GAS6: variants seen among roughly 807,000 people sequenced by gnomAD.
GAS6 encodes the protein growth arrest specific 6.
Under a neutral mutation model 75.8 loss-of-function variants are expected in GAS6, and 41 were observed. The observed-to-expected ratio is 0.54, with a 90% confidence interval of 0.42 to 0.70. The LOEUF is 0.70. GAS6 is among the 30% of genes least tolerant of loss of function. GAS6 has a pLI of 0.00. For synonymous variants in GAS6, 432 were observed against 412.6 expected (o/e 1.05, Z -0.57); for missense variants, 854 against 940.2 (o/e 0.91, Z 1.20).
At chr13:113,856,485 G>A (rs148481094) in intron 2 of GAS6, among the ~76,000 whole-genome samples, 1 of 152,250 alleles carries the variant, frequency 6.6e-6, no homozygotes, top group East Asian at 1.9e-4. Flanking sequence ...GAGACCCCGA[G>A]AACAGCACTC....
chr13:113,843,874 A>G (rs1328985865), intron 4 of GAS6: 1 of 151,166 alleles, frequency 6.6e-6, no homozygotes, highest in Non-Finnish European at 1.5e-5. Context: ...CGTGAGCACC[A>G]AGTCAGAGAA....
chr13:113,826,694 G>A (rs867540141), intron 12 of GAS6, among the ~76,000 whole-genome samples: 18 of 120,378 alleles, frequency 1.5e-4, no homozygotes, highest in African/African-American at 4.6e-4. Flanking sequence ...GCCTCCTGGC[G>A]CCGGCCTCGC....
In GAS6 at chr13:113,859,504, A is replaced by G. The variant is rs185494045; in HGVS notation, c.255+4071T>C. ...CATGTATGTGTACATGTCTGTTAGTATGTGTGTGTGCCTGTTTATGTGTGT... is the reference window on the plus strand; with the variant it reads ...CATGTATGTGTACATGTCTGTTAGTGTGTGTGTGTGCCTGTTTATGTGTGT... On this transcript the variant is annotated intron_variant, in intron 2 of 14. Transcript: ENST00000327773. Among the ~76,000 whole-genome samples, 252 of 148,508 alleles carry G rather than the reference A, an allele frequency of 1.7e-3. 3 individuals are homozygous for G. In the East Asian group the frequency reaches 0.028, roughly 16 times the overall value.
rs1309313417 is a variant in GAS6, at chr13:113,826,630, C to A, written c.1477+366G>T. 2.0e-5 allele frequency among the ~76,000 whole-genome samples: 2 copies of A among 98,640 alleles called. 1 individual carries two copies. The highest frequency in any genetic ancestry group is 3.9e-5 in the Non-Finnish European group (2 of 51,456). The allele number at this position is 98,640 out of a possible 152,430, so 64.7% of individuals were successfully genotyped here. A position where few individuals can be genotyped will look rare whatever the true frequency, so the allele number is the denominator to read the frequency against. ...GGCCTCCCGGCGCCGGCCTCGCAGG[C>A]ACCTTCTCTCCCCGGCCTCCTGGCG... On this transcript the variant is annotated intron_variant, in intron 12 of 14. Transcript: ENST00000327773.
chr13:113,855,399 GC>G (rs1465691731), intron 2 of GAS6, among the ~76,000 whole-genome samples: 12 of 152,194 alleles, frequency 7.9e-5, no homozygotes, highest in African/African-American at 2.9e-4. Flanking sequence ...CCTGGGTCTT[GC>G]CAGCCACCAC....
At chr13:113,847,112 G>A (rs983654975) in intron 3 of GAS6, 7 of 417,712 alleles carry the variant, frequency 1.7e-5, no homozygotes, top group South Asian at 5.2e-5. Context: ...GTGAGGTTGT[G>A]CAGAACGGTG....
intron 8 of GAS6, chr13:113,833,281 G>A (rs1204560957): frequency 4.8e-6 from 5 of 1,037,948 alleles, no homozygotes; most frequent in South Asian, 3.6e-5. Context: ...TGGACATCTC[G>A]CAGGGGTCCG....
rs116085170 is a variant in GAS6 at position 113,856,546 on chromosome 13, C to T, written c.255+7029G>A. Among the ~76,000 whole-genome samples the T allele has an allele frequency of 2.3e-3, 354 of 152,104 alleles. 1 individual carries two copies. Among genetic ancestry groups the T allele is most frequent in the African/African-American group, 8.0e-3 (330 of 41,474 alleles). On this transcript the variant is annotated intron_variant, in intron 2 of 14. Coordinates refer to ENST00000327773, the MANE Select transcript of GAS6 (RefSeq NM_000820.4). ...CTTTCAGACTAACAGACGAGCTGAG[C>T]GACGGACGAGCTAAGTGATGGATCT...
rs2051724585 is a variant in GAS6 at position 113,837,001 on chromosome 13, C to CGGGAGTGCCCGACTG, written c.589+1053_589+1067dup. Among the ~76,000 whole-genome samples the CGGGAGTGCCCGACTG allele has an allele frequency of 6.6e-6, 1 of 151,396 alleles. No homozygotes were observed. Among genetic ancestry groups the CGGGAGTGCCCGACTG allele is most frequent in the African/African-American group, 2.4e-5 (1 of 41,146 alleles). ...CAGTAACTGTGAGCCTAGACTTTGCCGGGAGTGCCCGACTGGTGCAGGGAC... is the reference window on the plus strand; with the variant it reads ...CAGTAACTGTGAGCCTAGACTTTGCCGGGAGTGCCCGACTGGGGAGTGCCCGACTGGTGCAGGGAC... On this transcript the variant is annotated intron_variant, in intron 6 of 14. Coordinates refer to ENST00000327773, the MANE Select transcript of GAS6 (RefSeq NM_000820.4). This position sits in a 1 kb window ranked among gnomAD's most constrained non-coding sequence, Gnocchi z 5.1.
rs531282624 is a variant in GAS6 at position 113,848,473 on chromosome 13, T to C, written c.256-423A>G. Among the ~76,000 whole-genome samples the C allele has an allele frequency of 6.6e-6, 1 of 152,304 alleles. No homozygotes were observed. Among genetic ancestry groups the C allele is most frequent in the South Asian group, 2.1e-4 (1 of 4,822 alleles). On this transcript the variant is annotated intron_variant, in intron 2 of 14. Coordinates refer to ENST00000327773, the MANE Select transcript of GAS6 (RefSeq NM_000820.4). This position sits in a 1 kb window ranked among gnomAD's most constrained non-coding sequence, Gnocchi z 4.8. ...AGTATTGGTGAAACAAAATTGGTAC[T>C]GGGTGAGGATGGAGGCTGTAATGAA...
intron 10 of GAS6, among the ~76,000 whole-genome samples, chr13:113,831,273 C>T (rs1446635174): frequency 2.0e-5 from 3 of 152,012 alleles, no homozygotes; most frequent in South Asian, 4.2e-4. Context: ...GGGCAGCTCC[C>T]GTGAGGTCAC....
chr13:113,846,063 T>G (rs1679851231), intron 4 of GAS6, among the ~76,000 whole-genome samples: 1 of 152,360 alleles, frequency 6.6e-6, no homozygotes, highest in East Asian at 1.9e-4. Context: ...TAAGTTCATA[T>G]GATGCACCGG....
Position 113,837,906 on chromosome 13 carries a change from G to C in GAS6, c.589+163C>G, listed in dbSNP as rs1394125074. ...CTGGTGTGGTGCCGAGCAGCTCCCT[G>C]TGCTGCGGCTGGCCTGGGCTTGTGT... On this transcript the variant is annotated intron_variant, in intron 6 of 14. Coordinates refer to ENST00000327773, the MANE Select transcript of GAS6 (RefSeq NM_000820.4). The surrounding 1 kb of genome is among the most constrained non-coding windows in gnomAD (Gnocchi z 5.1). 1.3e-5 allele frequency among the ~76,000 whole-genome samples: 2 copies of C among 152,142 alleles called. No individual in the cohort carries two copies. The highest frequency in any genetic ancestry group is 2.9e-5 in the Non-Finnish European group (2 of 68,004).
Position 113,837,536 on chromosome 13 carries a change from C to T in GAS6, c.589+533G>A, listed in dbSNP as rs1022454525. Among the ~76,000 whole-genome samples the T allele has an allele frequency of 7.2e-5, 11 of 152,148 alleles. No homozygotes were observed. The highest frequency in any genetic ancestry group is 3.9e-4 in the East Asian group (2 of 5,188). Reference sequence around the variant, plus strand: ...AGCACCTGGAACAGCGTCGGGGGCGCGCACATTCACAGTGACTTTCTGGGG... The same window carrying T: ...AGCACCTGGAACAGCGTCGGGGGCGTGCACATTCACAGTGACTTTCTGGGG... On this transcript the variant is annotated intron_variant, in intron 6 of 14. Transcript: ENST00000327773. The surrounding 1 kb of genome is among the most constrained non-coding windows in gnomAD (Gnocchi z 5.1).
chr13:113,833,136 G>A, intron 8 of GAS6: 2 of 1,160,274 alleles, frequency 1.7e-6, no homozygotes, highest in East Asian at 6.2e-5. Flanking sequence ...AAAGTTCCCT[G>A]TTCTGGGCTG....
At position 113,845,758 on chromosome 13, in the gene GAS6, A is replaced by C. The variant is rs1015398996; in HGVS notation, c.343+769T>G. 1.3e-5 allele frequency: 2 copies of C among 150,168 alleles called. No homozygotes were observed. The highest frequency in any genetic ancestry group is 5.0e-5 in the African/African-American group (2 of 39,868). The allele number at this position is 150,168 out of a possible 1,614,324, so 9.3% of individuals were successfully genotyped here. On this transcript the variant is annotated intron_variant, in intron 4 of 14. Coordinates refer to ENST00000327773, the MANE Select transcript of GAS6 (RefSeq NM_000820.4). This position sits in a 1 kb window ranked among gnomAD's most constrained non-coding sequence, Gnocchi z 4.3. ...TACTCATTAGTTAAAAAAAAAAAAA[A>C]AAACCTGAAATGACTGATGTCATTT...
At chr13:113,859,502 G>T (rs1324241788) in intron 2 of GAS6, among the ~76,000 whole-genome samples, 1 of 151,824 alleles carries the variant, frequency 6.6e-6, no homozygotes, top group Admixed American at 6.6e-5. Context: ...ATGTCTGTTA[G>T]TATGTGTGTG....
At chr13:113,835,442 G>C (rs796367296) in intron 7 of GAS6, 71 bp downstream of exon 7, 2 of 1,561,906 alleles carry the variant, frequency 1.3e-6, no homozygotes, top group African/African-American at 2.7e-5. Context: ...CAACCGGCTC[G>C]GGCAGTGACT....
chr13:113,825,234 C>CAAAAAAAAAA (rs71105207), intron 12 of GAS6, among the ~76,000 whole-genome samples: 1 of 58,370 alleles, frequency 1.7e-5, no homozygotes, highest in East Asian at 4.8e-4. Flanking sequence ...AACTCCGTCT[C>CAAAAAAAAAA]AAAAAAAAAA....
Sources: allele counts gnomAD v4.1 joint callset (sites outside exome capture counted in the v4.1 genomes callset), GRCh38; gene constraint gnomAD v4.1.1; non-coding constraint Gnocchi (gnomAD v3.1); transcripts MANE v1.5; gene names NCBI Gene and HGNC (gene_info 2026-07-23, HGNC 2026-07-21).